The following BCAS4 variants were observed in gnomAD, a reference collection of about 807,000 sequenced individuals.
BCAS4 encodes breast carcinoma-amplified sequence 4.
BCAS4 carries 9 observed loss-of-function variants against 15.7 expected under a neutral mutation model. That is an observed-to-expected ratio of 0.57 (90% confidence interval 0.34 to 1.00). The LOEUF is 1.00. Ranked by LOEUF, BCAS4 falls within the 50% of genes least tolerant of loss-of-function variation. The pLI is 0.02. For synonymous variants in BCAS4, 101 were observed against 99.5 expected (o/e 1.02, Z -0.09); for missense variants, 225 against 239.1 (o/e 0.94, Z 0.39).
rs1255399403 is a variant in BCAS4 at position 50,800,633 on chromosome 20, C to T, written c.90+5460C>T. Among the ~76,000 whole-genome samples the T allele has an allele frequency of 2.0e-5, 3 of 148,578 alleles. No individual in the cohort carries two copies. The Admixed American group carries it at 2.1e-4, about 10-fold the overall frequency. On this transcript the variant is annotated intron_variant, in intron 1 of 4. Transcript: ENST00000371608. The stretch of plus-strand genomic sequence containing the variant: ...CTGGAGTGCAGTGGCGCAAACTCAG[C>T]TCACTGCAACCTCCGCCTCCTGGGT...
downstream of BCAS4, chr20:50,878,966 A>G (rs892984839): frequency 7.3e-6 from 1 of 136,720 alleles, no homozygotes; most frequent in Non-Finnish European, 1.5e-5. Context: ...GGCTGACAGC[A>G]TACTGACATC....
At chr20:50,833,417 A>G (rs1600869898) in intron 3 of BCAS4, among the ~76,000 whole-genome samples, 1 of 152,306 alleles carries the variant, frequency 6.6e-6, no homozygotes, top group East Asian at 1.9e-4. Flanking sequence ...AGTGCTGCTG[A>G]CCTGGAAAAT....
intron 4 of BCAS4, among the ~76,000 whole-genome samples, chr20:50,866,270 A>G (rs1308914108): frequency 6.6e-6 from 1 of 152,210 alleles, no homozygotes; most frequent in East Asian, 1.9e-4. Context: ...TGTAGGGCTC[A>G]GGGTAAGCAG....
At chr20:50,801,087 T>C (rs1053456902) in intron 1 of BCAS4, among the ~76,000 whole-genome samples, 3 of 152,158 alleles carry the variant, frequency 2.0e-5, no homozygotes, top group Admixed American at 6.5e-5. Flanking sequence ...TTTTGTGACC[T>C]GCTGGTCCCC....
At position 50,865,190 on chromosome 20, in the gene BCAS4, G is replaced by A. The variant is rs140182806; in HGVS notation, c.400-11296G>A. On this transcript the variant is annotated intron_variant, in intron 4 of 4. Transcript: ENST00000371608. ...CATGTGACAGGAGCAAAGCCCAGGC[G>A]CCTTGGTGCTCAAGTAGGATGACTC... is the stretch of plus-strand genomic sequence containing the variant. Among the ~76,000 whole-genome samples the A allele has an allele frequency of 3.7e-4, 56 of 152,312 alleles. No individual in the cohort carries two copies. In the East Asian group the frequency reaches 9.6e-3, roughly 26 times the overall value.
In BCAS4 at chr20:50,876,728, G is replaced by A. The variant is rs536585672; in HGVS notation, c.*120G>A. The A allele has an allele frequency of 2.5e-5, 31 of 1,247,544 alleles. No homozygotes were observed. Among genetic ancestry groups the A allele is most frequent in the South Asian group, 7.6e-5 (4 of 52,540 alleles). The allele number at this position is 1,247,544 out of a possible 1,614,324, so 77.3% of individuals were successfully genotyped here. ...TTTTAAAAATATTTAAAAAAATGTC[G>A]AGATGGGGTCTCACTATGTTGTCCA... On this transcript the variant is annotated 3_prime_UTR_variant, in exon 5 of 5. Transcript: ENST00000371608.
intron 1 of BCAS4, among the ~76,000 whole-genome samples, chr20:50,811,285 G>A (rs766515398): frequency 1.3e-5 from 2 of 152,096 alleles, no homozygotes; most frequent in Non-Finnish European, 2.9e-5. Context: ...GGATCCCTGA[G>A]GCCCAGGAGT....
chr20:50,840,530 C>A, intron 3 of BCAS4: 1 of 1,437,114 alleles, frequency 7.0e-7, no homozygotes. Flanking sequence ...CTCTTTGCAT[C>A]TTACAGAGTT....
chr20:50,808,174 A>G (rs1229709258), intron 1 of BCAS4, among the ~76,000 whole-genome samples: 1 of 151,968 alleles, frequency 6.6e-6, no homozygotes, highest in East Asian at 1.9e-4. Flanking sequence ...GGCCTCCCAA[A>G]GTGCTGGGAT....
intron 3 of BCAS4, among the ~76,000 whole-genome samples, chr20:50,835,467 A>G (rs1391063382): frequency 6.6e-6 from 1 of 151,944 alleles, no homozygotes; most frequent in Non-Finnish European, 1.5e-5. Context: ...GATGGTCGTG[A>G]TCTCTTGACC....
At chr20:50,843,806 T>G (rs138139380) in intron 4 of BCAS4, among the ~76,000 whole-genome samples, 2 of 152,294 alleles carry the variant, frequency 1.3e-5, no homozygotes, top group East Asian at 1.9e-4. Flanking sequence ...TCCCTCAACT[T>G]ATGGTGACCA....
rs565186733 is a variant in BCAS4, at chr20:50,866,481, A to G, written c.400-10005A>G. Among the ~76,000 whole-genome samples the G allele has an allele frequency of 6.6e-5, 10 of 152,380 alleles. No homozygotes were observed. In the East Asian group the frequency reaches 1.7e-3, roughly 26 times the overall value. ...GCAGGAATGTGGGCCTGCGGTGGCC[A>G]GATAGCTCAGTTTTTCTAGAGAAAT... On this transcript the variant is annotated intron_variant, in intron 4 of 4. Coordinates refer to ENST00000371608, the MANE Select transcript of BCAS4 (RefSeq NM_198799.4).
intron 1 of BCAS4, among the ~76,000 whole-genome samples, chr20:50,817,236 C>G (rs2088150977): frequency 6.6e-6 from 1 of 152,120 alleles, no homozygotes; most frequent in African/African-American, 2.4e-5. Context: ...CTGCTCCCGG[C>G]CATGGACCCT....
intron 2 of BCAS4, among the ~76,000 whole-genome samples, chr20:50,820,492 G>T (rs537818909): frequency 1.3e-5 from 2 of 152,334 alleles, no homozygotes; most frequent in African/African-American, 4.8e-5. Flanking sequence ...CAGGGATGTG[G>T]TATGGCTGGG....
At chr20:50,796,485 A>C (rs201792084) in intron 1 of BCAS4, among the ~76,000 whole-genome samples, 1 of 10,312 alleles carries the variant, frequency 9.7e-5, no homozygotes, top group Non-Finnish European at 1.6e-4. Context: ...ATATATATAT[A>C]TATTTTTTTT....
chr20:50,828,505 A>G (rs1019201009), intron 2 of BCAS4, among the ~76,000 whole-genome samples: 1 of 152,122 alleles, frequency 6.6e-6, no homozygotes, highest in Non-Finnish European at 1.5e-5. Context: ...TGGGGCCAGG[A>G]GTGCTGACTC....
chr20:50,853,353 C>G (rs1284522737), intron 4 of BCAS4, among the ~76,000 whole-genome samples: 1 of 151,982 alleles, frequency 6.6e-6, no homozygotes, highest in Non-Finnish European at 1.5e-5. Context: ...CCATGTTAGC[C>G]AGGCTGGTCT....
At chr20:50,881,775 C>G (rs950904167), downstream of BCAS4, 1 of 152,082 alleles carries the variant, frequency 6.6e-6, no homozygotes, top group African/African-American at 2.4e-5. Flanking sequence ...ATCCTCCCAC[C>G]TCAGGCACCC....
chr20:50,796,083 TA>T (rs1284846284), intron 1 of BCAS4, among the ~76,000 whole-genome samples: 1 of 149,052 alleles, frequency 6.7e-6, no homozygotes, highest in African/African-American at 2.5e-5. Context: ...GTGAGACATT[TA>T]AAAAAAAATC....
Sources: gnomAD v4.1 joint callset for allele counts (sites outside exome capture counted in the v4.1 genomes callset) on GRCh38, gnomAD v4.1.1 for gene constraint, MANE v1.5 for transcripts, NCBI Gene and HGNC (gene_info 2026-07-23, HGNC 2026-07-21) for gene names.